The following GPN1 variants were observed in gnomAD, a reference collection of about 807,000 sequenced individuals.
GPN1 encodes ATP(GTP)-binding protein.
Under a neutral mutation model 55.9 loss-of-function variants are expected in GPN1, and 44 were observed. The observed-to-expected ratio is 0.79, with a 90% CI of 0.62 to 1.01. GPN1 has a LOEUF of 1.01. Among genes scored for constraint, GPN1 ranks in the 50% least tolerant of loss-of-function variants. The pLI is 0.00. For synonymous variants in GPN1, 179 were observed against 162.5 expected, an observed-to-expected ratio of 1.10 and a Z score of -0.77; for missense variants, 466 against 462.8, an observed-to-expected ratio of 1.01 and a Z score of -0.06.
chr2:27,645,611 G>C (rs1375630523), intron 12 of GPN1, among the ~76,000 whole-genome samples: 1 of 151,736 alleles, frequency 6.6e-6, no homozygotes, highest in East Asian at 1.9e-4. Flanking sequence ...AGTGTTTCCA[G>C]TTTTCCATAT....
chr2:27,636,732 C>G (rs1673747778), intron 7 of GPN1, among the ~76,000 whole-genome samples: 1 of 152,166 alleles, frequency 6.6e-6, no homozygotes, highest in African/African-American at 2.4e-5. Context: ...GCCTTGGCCT[C>G]CCAAAGTGCT....
At chr2:27,635,343 G>A (rs1205792506) in intron 7 of GPN1, 109 bp downstream of exon 7, 2 of 574,636 alleles carry the variant, frequency 3.5e-6, no homozygotes, top group African/African-American at 2.5e-5. Context: ...CCCTGGATTT[G>A]TGCTCATTCA....
intron 3 of GPN1, chr2:27,631,534 A>G: frequency 2.0e-6 from 1 of 511,176 alleles, no homozygotes; most frequent in East Asian, 3.5e-5. Flanking sequence ...CGGAGGTGTT[A>G]TACAGGTGGC....
Position 27,644,542 on chromosome 2 carries a change from A to AT in GPN1, c.931+2032dup, listed in dbSNP as rs201482519. 6.6e-3 allele frequency among the ~76,000 whole-genome samples: 991 copies of AT among 150,536 alleles called. 9 individuals are homozygous for AT. Among genetic ancestry groups the AT allele is most frequent in the Non-Finnish European group, 0.012 (785 of 67,560 alleles). ...ACCTATGTTAAAGAGGAATTCACCTATTTTTTTTTATAGATTTGTCTGGTT... is the reference window on the plus strand; with the variant it reads ...ACCTATGTTAAAGAGGAATTCACCTATTTTTTTTTTATAGATTTGTCTGGTT... On this transcript the variant is annotated intron_variant, in intron 12 of 13. Coordinates refer to ENST00000610189, the MANE Select transcript of GPN1 (RefSeq NM_007266.4).
chr2:27,647,371 A>G (rs929787015), intron 12 of GPN1, among the ~76,000 whole-genome samples: 1 of 152,102 alleles, frequency 6.6e-6, no homozygotes, highest in African/African-American at 2.4e-5. Flanking sequence ...CTTAAATAAT[A>G]CCCTGGCTCC....
In GPN1 at chr2:27,639,892, T is replaced by G. The variant is rs189493117; in HGVS notation, c.718-151T>G. The G allele has an allele frequency of 4.4e-6, 3 of 680,198 alleles. No homozygotes were observed. The Admixed American group carries it at 7.4e-5, about 17-fold the overall frequency. 42.1% of individuals were successfully genotyped at this position (680,198 alleles called of 1,614,324 possible). On this transcript the variant is annotated intron_variant, in intron 9 of 13. Coordinates refer to ENST00000610189, the MANE Select transcript of GPN1 (RefSeq NM_007266.4). ...CTGTGACTTTTGACTGGGTGTGCTG[T>G]TTTGTTCTTTTTTAGCCTGGCTTTT...
rs1239007816 is a variant in GPN1 at position 27,643,172 on chromosome 2, T to A, written c.931+653T>A. ...TTGTTTCTAACACTTTTAACCCTCC[T>A]CAATTTTTTTTATAATTAAAAAAAA... On this transcript the variant is annotated intron_variant, in intron 12 of 13. Coordinates refer to ENST00000610189, the MANE Select transcript of GPN1 (RefSeq NM_007266.4). This position sits in a 1 kb window ranked among gnomAD's most constrained non-coding sequence, Gnocchi z 4.0. Among the ~76,000 whole-genome samples the A allele has an allele frequency of 6.6e-6, 1 of 150,792 alleles. No homozygotes were observed. Among genetic ancestry groups the A allele is most frequent in the Non-Finnish European group, 1.5e-5 (1 of 67,694 alleles).
In GPN1 at chr2:27,650,293, A is replaced by G. The variant is rs527291304; in HGVS notation, c.*93A>G. The G allele has an allele frequency of 2.1e-5, 14 of 663,376 alleles. No individual in the cohort carries two copies. Among genetic ancestry groups the G allele is most frequent in the East Asian group, 1.4e-4 (5 of 36,442 alleles). 41.1% of individuals were successfully genotyped at this position (663,376 alleles called of 1,614,324 possible). A position where few individuals can be genotyped will look rare whatever the true frequency, so the allele number is the denominator to read the frequency against. ...TCTTACCTCTGAACTGGGGGCTCCCATAAGGGATAATTTTCCTCAGAGTAG... is the reference window on the plus strand; with the variant it reads ...TCTTACCTCTGAACTGGGGGCTCCCGTAAGGGATAATTTTCCTCAGAGTAG... On this transcript the variant is annotated 3_prime_UTR_variant, in exon 14 of 14. Coordinates refer to ENST00000610189, the MANE Select transcript of GPN1 (RefSeq NM_007266.4).
At chr2:27,634,281 C>CA (rs1673652347) in intron 5 of GPN1, among the ~76,000 whole-genome samples, 1 of 152,010 alleles carries the variant, frequency 6.6e-6, no homozygotes. Flanking sequence ...AATTAATTCA[C>CA]AAAAAAGTTG....
chr2:27,642,316 C>G (rs1424323253), intron 11 of GPN1, 113 bp from the exon 12 acceptor site: 2 of 683,096 alleles, frequency 2.9e-6, no homozygotes, highest in African/African-American at 3.6e-5. Flanking sequence ...TTATCTGCAT[C>G]AGTTTTTATG....
rs1463412836 is a variant in GPN1, at chr2:27,643,829, GATGTTAACTTTGAGT to G, written c.931+1313_931+1327del. 6.6e-6 allele frequency among the ~76,000 whole-genome samples: 1 copy of G among 152,172 alleles called. No individual in the cohort carries two copies. Among genetic ancestry groups the G allele is most frequent in the Non-Finnish European group, 1.5e-5 (1 of 68,028 alleles). Reference sequence around the variant, plus strand: ...GATGTTGATTTGTCCCATTACTGGTGATGTTAACTTTGAGTATTTTTATAAAGTGGTGTATGCTAC... The same window carrying G: ...GATGTTGATTTGTCCCATTACTGGTGATTTTTATAAAGTGGTGTATGCTAC... On this transcript the variant is annotated intron_variant, in intron 12 of 13. Coordinates refer to ENST00000610189, the MANE Select transcript of GPN1 (RefSeq NM_007266.4). This position sits in a 1 kb window ranked among gnomAD's most constrained non-coding sequence, Gnocchi z 4.0.
chr2:27,633,128 G>A (rs7564774), intron 5 of GPN1, among the ~76,000 whole-genome samples: 2 of 152,042 alleles, frequency 1.3e-5, no homozygotes, highest in Admixed American at 1.3e-4. Context: ...TTTTAAAAAA[G>A]ATAATTTATT....
At chr2:27,645,604 GTTTCCAGT>G (rs1432842591) in intron 12 of GPN1, among the ~76,000 whole-genome samples, 6 of 151,956 alleles carry the variant, frequency 3.9e-5, no homozygotes, top group East Asian at 3.9e-4. Context: ...TTTCAGGAGT[GTTTCCAGT>G]TTTCCATATA....
At chr2:27,646,030 T>C (rs866180024) in intron 12 of GPN1, among the ~76,000 whole-genome samples, 1 of 151,410 alleles carries the variant, frequency 6.6e-6, no homozygotes, top group South Asian at 2.1e-4. Flanking sequence ...GTACCCAGCT[T>C]GAAATTTATG....
rs1223392210 is a variant in GPN1 at position 27,635,206 on chromosome 2, T to C, written c.496T>C (p.Phe166Leu). 3 of 1,596,106 alleles carry C rather than the reference T, an allele frequency of 1.9e-6. No homozygotes were observed. In the African/African-American group the frequency reaches 4.0e-5, roughly 21 times the overall value. Residue 166 changes from phenylalanine to leucine, a missense_variant, in exon 7 of 14, where the codon TTC becomes CTC. Transcript: ENST00000610189. ...ATCGAGAAGTACCAACCCAGTGACC[T>C]TCATGTCCAACATGCTCTATGCCTG... Reference protein sequence around the residue: ...DTSRSTNPVTFMSNMLYACSI... With the variant: ...DTSRSTNPVTLMSNMLYACSI...
In GPN1 at chr2:27,644,722, TG is replaced by T. The variant is rs372621760; in HGVS notation, c.931+2204del. The stretch of plus-strand genomic sequence containing the variant: ...CCTTAGTGAGTTTTTTTTTTGGTAG[TG>T]TTTTTTTTTTTTTTTTTTTTACAGA... On this transcript the variant is annotated intron_variant, in intron 12 of 13. Coordinates refer to ENST00000610189, the MANE Select transcript of GPN1 (RefSeq NM_007266.4). Among the ~76,000 whole-genome samples, 12 of 143,652 alleles carry T rather than the reference TG, an allele frequency of 8.4e-5. No individual in the cohort carries two copies. In the East Asian group the frequency reaches 1.0e-3, roughly 12 times the overall value. 94.2% of individuals were successfully genotyped at this position (143,652 alleles called of 152,430 possible). A position where few individuals can be genotyped will look rare whatever the true frequency, so the allele number is the denominator to read the frequency against.
At chr2:27,642,956 T>TACACAC (rs764872511) in intron 12 of GPN1, among the ~76,000 whole-genome samples, 2,954 of 85,622 alleles carry the variant, frequency 0.035, 40 homozygotes, top group Middle Eastern at 0.053. Context: ...TATATATATA[T>TACACAC]ATACACACAC....
intron 2 of GPN1, 36 bp downstream of exon 2, chr2:27,629,988 T>C: frequency 8.5e-7 from 1 of 1,183,342 alleles, no homozygotes; most frequent in Non-Finnish European, 1.3e-6. Flanking sequence ...TGTGCAGTGC[T>C]TTAAAGAGAA....
In GPN1 at chr2:27,643,280, A is replaced by G. The variant is rs1674058464; in HGVS notation, c.931+761A>G. ...TACAAATAATTGCCATAATTATTCT[A>G]TCAGATTCCCAAAATGTTAACATTC... On this transcript the variant is annotated intron_variant, in intron 12 of 13. Transcript: ENST00000610189. This position sits in a 1 kb window ranked among gnomAD's most constrained non-coding sequence, Gnocchi z 4.0. Among the ~76,000 whole-genome samples, 2 of 151,582 alleles carry G rather than the reference A, an allele frequency of 1.3e-5. No individual in the cohort carries two copies. Among genetic ancestry groups the G allele is most frequent in the South Asian group, 4.2e-4 (2 of 4,816 alleles).
Sources: allele counts gnomAD v4.1 joint callset (sites outside exome capture counted in the v4.1 genomes callset), GRCh38; gene constraint gnomAD v4.1.1; non-coding constraint Gnocchi (gnomAD v3.1); transcripts MANE v1.5; gene names NCBI Gene and HGNC (gene_info 2026-07-23, HGNC 2026-07-21).